LEPROTL1: variants seen among roughly 807,000 people sequenced by gnomAD.
The protein encoded by LEPROTL1 is leptin receptor overlapping transcript like 1.
In LEPROTL1, 6 loss-of-function variants were observed where a neutral mutation model predicts 15.4. That is an observed-to-expected ratio of 0.39 (90% CI 0.21 to 0.77). The LOEUF is 0.77. LEPROTL1 is among the 30% of genes least tolerant of loss of function. The pLI, the probability that LEPROTL1 is intolerant of heterozygous loss-of-function variation, is 0.41. For synonymous variants in LEPROTL1, 56 were observed against 52.6 expected (o/e 1.06, Z -0.28); for missense variants, 128 against 158.1 (o/e 0.81, Z 1.02).
At position 30,133,363 on chromosome 8, in the gene LEPROTL1, G is replaced by GT. The variant is rs749455388; in HGVS notation, c.394+875dup. ...TTTGAATTTTTTGTAATGATCATGTGTGTTTTATAAATAAGCATATGTATA... is the reference window on the plus strand; with the variant it reads ...TTTGAATTTTTTGTAATGATCATGTGTTGTTTTATAAATAAGCATATGTATA... On this transcript the variant is annotated intron_variant, in intron 4 of 4. Transcript: ENST00000442880. 7.2e-4 allele frequency among the ~76,000 whole-genome samples: 109 copies of GT among 152,272 alleles called. 1 individual carries two copies. The highest frequency in any genetic ancestry group is 1.5e-4 in the Non-Finnish European group (10 of 68,022).
intron 3 of LEPROTL1, among the ~76,000 whole-genome samples, chr8:30,119,231 A>G (rs1802790243): frequency 6.6e-6 from 1 of 151,994 alleles, no homozygotes; most frequent in African/African-American, 2.4e-5. Flanking sequence ...TCCATGCAAC[A>G]TGTGTTTTTG....
downstream of LEPROTL1, among the ~76,000 whole-genome samples, chr8:30,109,766 A>G (rs971767960): frequency 6.6e-6 from 1 of 152,224 alleles, no homozygotes; most frequent in Non-Finnish European, 1.5e-5. Context: ...ATTTCTGTAC[A>G]CAGTACATCA....
At chr8:30,130,468 T>TGACATTGCTACTGCATAATTTA in intron 3 of LEPROTL1, among the ~76,000 whole-genome samples, 1 of 152,234 alleles carries the variant, frequency 6.6e-6, no homozygotes, top group Non-Finnish European at 1.5e-5. Flanking sequence ...GCTAGTTAAA[T>TGACATTGCTACTGCATAATTTA]GACATTGCTA....
chr8:30,122,998 T>C (rs1408394986), intron 3 of LEPROTL1, among the ~76,000 whole-genome samples: 1 of 152,174 alleles, frequency 6.6e-6, no homozygotes, highest in Non-Finnish European at 1.5e-5. Context: ...CTGCTCCACA[T>C]GGTGTCAGCT....
chr8:30,132,933 A>G, intron 4 of LEPROTL1: 2 of 1,482,886 alleles, frequency 1.3e-6, no homozygotes, highest in South Asian at 2.8e-5. Context: ...TAAAGAACAT[A>G]AAAACACTCT....
At chr8:30,117,130 C>G (rs189680702) in intron 3 of LEPROTL1, among the ~76,000 whole-genome samples, 1 of 152,054 alleles carries the variant, frequency 6.6e-6, no homozygotes, top group Non-Finnish European at 1.5e-5. Context: ...GTATTGTAAT[C>G]CTAGGGAATT....
intron 3 of LEPROTL1, among the ~76,000 whole-genome samples, chr8:30,122,047 A>C (rs1802836703): frequency 2.0e-5 from 3 of 151,860 alleles, no homozygotes. Flanking sequence ...CGCGCCTGTA[A>C]TCCCAGCTAC....
chr8:30,107,662 T>C lies in LEPROTL1; in HGVS notation c.*1800T>C, dbSNP rs963566190. The C allele has an allele frequency of 6.3e-5, 62 of 985,488 alleles. No homozygotes were observed. In the African/African-American group the frequency reaches 9.8e-4, roughly 16 times the overall value. The allele number at this position is 985,488 out of a possible 1,614,324, so 61.0% of individuals were successfully genotyped here. ...CTGAAAGTGGCTTGTGGTATTATAA[T>C]GTTCAGATTTCAAGAGGAAGGTGCA... On this transcript the variant is annotated 3_prime_UTR_variant, in exon 4 of 4. Transcript: ENST00000321250.
At chr8:30,111,743 CAGAA>C (rs1302932143), downstream of LEPROTL1, among the ~76,000 whole-genome samples, 1 of 152,118 alleles carries the variant, frequency 6.6e-6, no homozygotes, top group Non-Finnish European at 1.5e-5. Context: ...ATTTGGGAGA[CAGAA>C]AGAGGTCGGG....
intron 3 of LEPROTL1, among the ~76,000 whole-genome samples, chr8:30,125,254 T>G (rs1802887717): frequency 6.6e-6 from 1 of 152,182 alleles, no homozygotes; most frequent in South Asian, 2.1e-4. Flanking sequence ...CAGAACAGAT[T>G]AATAAGTATC....
rs901831807 is a variant in LEPROTL1 at position 30,107,851 on chromosome 8, T to C, written c.*1989T>C. 5 of 985,282 alleles carry C rather than the reference T, an allele frequency of 5.1e-6. No homozygotes were observed. The highest frequency in any genetic ancestry group is 4.7e-5 in the South Asian group (1 of 21,296). The allele number at this position is 985,282 out of a possible 1,614,324, so 61.0% of individuals were successfully genotyped here. On this transcript the variant is annotated 3_prime_UTR_variant, in exon 4 of 4. Transcript: ENST00000321250. ...CTGTTTTATCCACTTGGCCACAGAC[T>C]TTTTCTAACAGCTGCGTATTATTTC...
At chr8:30,132,026 A>G in intron 3 of LEPROTL1, 1 of 1,551,960 alleles carries the variant, frequency 6.4e-7, no homozygotes, top group Non-Finnish European at 8.7e-7. Flanking sequence ...TACGAATTAC[A>G]GAGCAACCAG....
chr8:30,130,822 C>T (rs1011468235), intron 3 of LEPROTL1, among the ~76,000 whole-genome samples: 7 of 150,300 alleles, frequency 4.7e-5, no homozygotes, highest in Non-Finnish European at 1.5e-5. Flanking sequence ...CTCTGTCGCC[C>T]AGGCTGGAGT....
Position 30,131,266 on chromosome 8 carries a change from ATATATGTGTGTG to A in LEPROTL1, c.280-1103_280-1092del, listed in dbSNP as rs886067012. Among the ~76,000 whole-genome samples the A allele has an allele frequency of 9.0e-5, 8 of 89,122 alleles. No homozygotes were observed. In the Admixed American group the frequency reaches 1.2e-3, roughly 13 times the overall value. 58.5% of individuals were successfully genotyped at this position (89,122 alleles called of 152,430 possible). ...CATGTCCACCCAAATATACATATATATATATGTGTGTGTATATATATATATATATATGTGTGT... is the reference window on the plus strand; with the variant it reads ...CATGTCCACCCAAATATACATATATATATATATATATATATATATGTGTGT... On this transcript the variant is annotated intron_variant, in intron 3 of 4. Transcript: ENST00000442880.
At chr8:30,129,441 A>G (rs146757366) in intron 3 of LEPROTL1, among the ~76,000 whole-genome samples, 547 of 152,200 alleles carry the variant, frequency 3.6e-3, no homozygotes, top group Non-Finnish European at 6.2e-3. Flanking sequence ...GCGTTGACTC[A>G]CACCTGTGAT....
chr8:30,109,400 T>C (rs550428905), downstream of LEPROTL1, among the ~76,000 whole-genome samples: 1 of 152,384 alleles, frequency 6.6e-6, no homozygotes, highest in South Asian at 2.1e-4. Context: ...GGTAAATATT[T>C]TAGATCAATG....
rs111630313 is a variant in LEPROTL1, at chr8:30,098,316, A to G, written c.16+2788A>G. 3.9e-5 allele frequency among the ~76,000 whole-genome samples: 6 copies of G among 152,374 alleles called. 2 individuals are homozygous for G. Among genetic ancestry groups the G allele is most frequent in the African/African-American group, 1.4e-4 (6 of 41,596 alleles). On this transcript the variant is annotated intron_variant, in intron 1 of 3. Transcript: ENST00000321250. ...ATGAATTACCTATTGAAAAATATAT[A>G]TAAGTGAGCATAGATGATTCTTTAA...
Position 30,108,045 on chromosome 8 carries a change from C to T in LEPROTL1, c.*2183C>T, listed in dbSNP as rs1463038569. On this transcript the variant is annotated 3_prime_UTR_variant, in exon 4 of 4. Coordinates refer to ENST00000321250, the MANE Select transcript of LEPROTL1 (RefSeq NM_015344.3). ...GGAAAGAAAACTTTTGATGATGAAA[C>T]AATAAAGATTTTAAATATCTATTTT... 1 of 891,512 alleles carries T rather than the reference C, an allele frequency of 1.1e-6. No individual in the cohort carries two copies. Among genetic ancestry groups the T allele is most frequent in the African/African-American group, 1.8e-5 (1 of 55,292 alleles). The allele number at this position is 891,512 out of a possible 1,614,324, so 55.2% of individuals were successfully genotyped here.
At chr8:30,113,929 A>C (rs1348828907) in intron 3 of LEPROTL1, among the ~76,000 whole-genome samples, 6 of 152,134 alleles carry the variant, frequency 3.9e-5, no homozygotes, top group African/African-American at 1.2e-4. Flanking sequence ...TATTGGAGCC[A>C]CCCACCGGCC....
Sources: allele counts gnomAD v4.1 joint callset (sites outside exome capture counted in the v4.1 genomes callset), GRCh38; gene constraint gnomAD v4.1.1; transcripts MANE v1.5; gene names NCBI Gene and HGNC (gene_info 2026-07-23, HGNC 2026-07-21).